Variants in TLK1 observed in about 807,000 individuals in gnomAD.
The protein encoded by TLK1 is tousled like kinase 1.
Under a neutral mutation model 105.3 loss-of-function variants are expected in TLK1, and 24 were observed. The ratio of observed to expected loss-of-function variants is 0.23; its 90% CI spans 0.17 to 0.32. The LOEUF (loss-of-function observed/expected upper bound fraction) is 0.32, where lower values mean the gene tolerates loss of function less well. TLK1 is among the 10% of genes least tolerant of loss of function. The pLI is 1.00. For missense variants in TLK1, 558 were observed against 910.5 expected, an observed-to-expected ratio of 0.61 and a Z score of 4.98; for synonymous variants, 321 against 310.4, an observed-to-expected ratio of 1.03 and a Z score of -0.36.
At chr2:171,145,589 C>CA (rs71401407) in intron 1 of TLK1, among the ~76,000 whole-genome samples, 36,227 of 115,782 alleles carry the variant, frequency 0.31, 4,580 homozygotes, top group Middle Eastern at 0.41. Flanking sequence ...GACTCTGTCT[C>CA]AAAAAAAAAA....
chr2:171,201,974 AT>A lies in TLK1; in HGVS notation c.-6+29170del, dbSNP rs553977103. ...AATCATATCTATTATCTATCTATCT[AT>A]CTAGGCAATTTGCCTTGCACAGGGA... On this transcript the variant is annotated intron_variant, in intron 1 of 20. Transcript: ENST00000521943. Among the ~76,000 whole-genome samples, 537 of 152,224 alleles carry A rather than the reference AT, an allele frequency of 3.5e-3. 5 individuals are homozygous for A. The highest frequency in any genetic ancestry group is 0.014 in the Middle Eastern group (4 of 294).
intron 1 of TLK1, among the ~76,000 whole-genome samples, chr2:171,185,723 C>T (rs549091731): frequency 7.2e-5 from 11 of 152,324 alleles, no homozygotes; most frequent in Non-Finnish European, 8.8e-5. Context: ...CACAAATATA[C>T]CCCTTCTAGC....
chr2:171,167,142 C>T (rs1039602272), intron 1 of TLK1, among the ~76,000 whole-genome samples: 1 of 152,196 alleles, frequency 6.6e-6, no homozygotes, highest in African/African-American at 2.4e-5. Context: ...AAAAGCACCA[C>T]TTGTTAAGCT....
At chr2:171,121,464 G>A (rs541401282) in intron 1 of TLK1, among the ~76,000 whole-genome samples, 8 of 152,262 alleles carry the variant, frequency 5.3e-5, no homozygotes, top group African/African-American at 1.9e-4. Context: ...CCAGGAGGTC[G>A]AGGCTGCAGT....
intron 1 of TLK1, among the ~76,000 whole-genome samples, chr2:171,129,296 G>T (rs1690999864): frequency 6.6e-6 from 1 of 152,148 alleles, no homozygotes; most frequent in African/African-American, 2.4e-5. Flanking sequence ...CTCCTGAGAG[G>T]TAACCAATTG....
At chr2:171,200,469 G>C (rs1484274265) in intron 1 of TLK1, among the ~76,000 whole-genome samples, 1 of 152,164 alleles carries the variant, frequency 6.6e-6, no homozygotes, top group Non-Finnish European at 1.5e-5. Context: ...TTACAGTCTT[G>C]CCGCAATGTA....
At chr2:171,074,793 T>C (rs1688428378) in intron 3 of TLK1, among the ~76,000 whole-genome samples, 1 of 152,130 alleles carries the variant, frequency 6.6e-6, no homozygotes, top group Non-Finnish European at 1.5e-5. Flanking sequence ...CACACTAACA[T>C]ATTTTAGAAA....
At chr2:171,090,159 A>G (rs1038357519) in intron 2 of TLK1, among the ~76,000 whole-genome samples, 1 of 152,140 alleles carries the variant, frequency 6.6e-6, no homozygotes, top group Non-Finnish European at 1.5e-5. Context: ...TGTCTTGAGT[A>G]TCTTTTGTAA....
At chr2:171,085,640 T>G (rs1010032701) in intron 2 of TLK1, among the ~76,000 whole-genome samples, 1 of 152,180 alleles carries the variant, frequency 6.6e-6, no homozygotes, top group African/African-American at 2.4e-5. Flanking sequence ...AAATCCATTT[T>G]AAACACATGG....
chr2:171,190,012 T>C (rs974641339), intron 1 of TLK1, among the ~76,000 whole-genome samples: 1 of 152,196 alleles, frequency 6.6e-6, no homozygotes, highest in Non-Finnish European at 1.5e-5. Flanking sequence ...ACATCTCCAT[T>C]CAGTGAGGAA....
At chr2:171,196,136 A>C (rs1357198383) in intron 1 of TLK1, among the ~76,000 whole-genome samples, 1 of 103,636 alleles carries the variant, frequency 9.6e-6, no homozygotes, top group South Asian at 3.2e-4. Flanking sequence ...TTTTTTTTTG[A>C]GATGGAGTCT....
intron 11 of TLK1, among the ~76,000 whole-genome samples, chr2:171,035,591 G>A (rs189308769): frequency 3.9e-5 from 6 of 152,246 alleles, no homozygotes; most frequent in African/African-American, 1.2e-4. Flanking sequence ...CAAAATAATG[G>A]CCAAAGACTT....
At chr2:171,206,087 A>G (rs1212736114) in intron 1 of TLK1, among the ~76,000 whole-genome samples, 1 of 152,234 alleles carries the variant, frequency 6.6e-6, no homozygotes, top group African/African-American at 2.4e-5. Context: ...TTACATGTCA[A>G]GAAATACAAC....
intron 3 of TLK1, among the ~76,000 whole-genome samples, chr2:171,065,177 A>G (rs1043401463): frequency 6.6e-6 from 1 of 151,626 alleles, no homozygotes; most frequent in African/African-American, 2.4e-5. Context: ...CTCAAACTAG[A>G]GAGAGATTTA....
intron 1 of TLK1, among the ~76,000 whole-genome samples, chr2:171,204,284 G>A (rs1693458560): frequency 6.6e-6 from 1 of 152,146 alleles, no homozygotes; most frequent in South Asian, 2.1e-4. Flanking sequence ...ACCTAGCAGT[G>A]CTATCGTCCT....
At chr2:171,188,993 C>A (rs909402185) in intron 1 of TLK1, among the ~76,000 whole-genome samples, 1 of 151,678 alleles carries the variant, frequency 6.6e-6, no homozygotes, top group Non-Finnish European at 1.5e-5. Flanking sequence ...TAATAAGAAC[C>A]AATAATTATT....
At chr2:171,033,956 A>T (rs577211450) in intron 11 of TLK1, among the ~76,000 whole-genome samples, 182 of 151,864 alleles carry the variant, frequency 1.2e-3, no homozygotes, top group Non-Finnish European at 2.2e-3. Flanking sequence ...AAATGAGCAA[A>T]AGACTTGAAT....
chr2:171,064,534 C>T (rs1409606330), intron 3 of TLK1, among the ~76,000 whole-genome samples: 3 of 152,122 alleles, frequency 2.0e-5, no homozygotes, highest in East Asian at 1.9e-4. Context: ...ACTGCTCTTG[C>T]TAATAATGCT....
intron 11 of TLK1, among the ~76,000 whole-genome samples, chr2:171,037,970 G>A (rs927952969): frequency 3.9e-5 from 6 of 152,198 alleles, no homozygotes; most frequent in South Asian, 2.1e-4. Flanking sequence ...TCTTAGATGC[G>A]GTTATTTGGA....
Sources: allele counts gnomAD v4.1 joint callset (sites outside exome capture counted in the v4.1 genomes callset), GRCh38; gene constraint gnomAD v4.1.1; transcripts MANE v1.5; gene names NCBI Gene and HGNC (gene_info 2026-07-23, HGNC 2026-07-21).